Variants in ANKRD30BL observed in about 807,000 individuals in gnomAD.
The protein encoded by ANKRD30BL is putative ankyrin repeat domain-containing protein 30B-like.
A neutral mutation model predicts 18.4 loss-of-function variants in ANKRD30BL; 20 were observed. That is an observed-to-expected ratio of 1.09 (90% CI 0.77 to 1.58). ANKRD30BL has a LOEUF of 1.58. Ranked by LOEUF, ANKRD30BL falls within the 40% of genes most tolerant of loss-of-function variation. The pLI is 0.00. For synonymous variants in ANKRD30BL, 72 were observed against 100.9 expected, an observed-to-expected ratio of 0.71 and a Z score of 1.72; for missense variants, 224 against 268.6, an observed-to-expected ratio of 0.83 and a Z score of 1.16.
chr2:132,162,553 C>T (rs146486185), upstream of ANKRD30BL, among the ~76,000 whole-genome samples: 9,450 of 152,236 alleles, frequency 0.062, 699 homozygotes, highest in East Asian at 0.27. Flanking sequence ...CAACTGAGGT[C>T]CCACTGCCTG....
intron 1 of ANKRD30BL, among the ~76,000 whole-genome samples, chr2:132,208,016 G>T (rs979986958): frequency 2.6e-5 from 4 of 152,070 alleles, no homozygotes; most frequent in Admixed American, 6.6e-5. Context: ...TTGTACAAAA[G>T]GCTTTTACTC....
intron 1 of ANKRD30BL, among the ~76,000 whole-genome samples, chr2:132,243,288 A>C (rs910005713): frequency 2.0e-5 from 3 of 151,810 alleles, no homozygotes; most frequent in Non-Finnish European, 2.9e-5. Flanking sequence ...CAACTCACAG[A>C]GTTAAACCTT....
At chr2:132,188,504 C>G (rs564539696) in intron 1 of ANKRD30BL, among the ~76,000 whole-genome samples, 1 of 152,228 alleles carries the variant, frequency 6.6e-6, no homozygotes, top group South Asian at 2.1e-4. Flanking sequence ...ATCATGAGAT[C>G]AGGAGATCAT....
At chr2:132,150,415 A>AT (rs1687728520) in intron 5 of ANKRD30BL, among the ~76,000 whole-genome samples, 2 of 151,568 alleles carry the variant, frequency 1.3e-5, no homozygotes, top group African/African-American at 4.8e-5. Context: ...ATGTTCTATT[A>AT]TTTGTGGCTT....
At position 132,224,354 on chromosome 2, in the gene ANKRD30BL, T is replaced by C. The variant is rs1212619241; in HGVS notation, n.441+33175A>G. Among the ~76,000 whole-genome samples the C allele has an allele frequency of 3.3e-5, 5 of 152,056 alleles. No homozygotes were observed. The East Asian group carries it at 5.8e-4, about 18-fold the overall frequency. On this transcript the variant is annotated intron_variant and non_coding_transcript_variant, in intron 1 of 4. Transcript: ENST00000470729. ...ATTCTCAGAATCTTCTTTGTGATGT[T>C]CGCATTCCACTCACAGAGTTGAACA...
chr2:132,233,037 TC>T (rs1454596418), intron 1 of ANKRD30BL, among the ~76,000 whole-genome samples: 1 of 151,982 alleles, frequency 6.6e-6, no homozygotes, highest in African/African-American at 2.4e-5. Context: ...TATTCAACAT[TC>T]TTAAAGAAAA....
intron 4 of ANKRD30BL, among the ~76,000 whole-genome samples, chr2:132,151,925 C>A (rs1001600257): frequency 2.6e-5 from 4 of 152,150 alleles, no homozygotes; most frequent in Non-Finnish European, 4.4e-5. Context: ...TCTGAACCAA[C>A]AAATCTTTGT....
At chr2:132,153,576 C>T in intron 4 of ANKRD30BL, 1 of 607,748 alleles carries the variant, frequency 1.6e-6, no homozygotes, top group Non-Finnish European at 3.1e-6. Context: ...CCACAAGCAA[C>T]AGCATAACGT....
chr2:132,246,685 C>T (rs1232155857), intron 1 of ANKRD30BL, among the ~76,000 whole-genome samples: 3 of 151,240 alleles, frequency 2.0e-5, no homozygotes, highest in African/African-American at 7.3e-5. Flanking sequence ...TTTTGTGATG[C>T]TTGCATTCAA....
intron 1 of ANKRD30BL, among the ~76,000 whole-genome samples, chr2:132,234,525 A>C (rs2104786931): frequency 1.3e-5 from 2 of 152,306 alleles, no homozygotes; most frequent in Middle Eastern, 3.4e-3. Context: ...ATCTCACAGA[A>C]ATACAAACTA....
At chr2:132,255,520 A>G (rs1680806191) in intron 1 of ANKRD30BL, among the ~76,000 whole-genome samples, 2 of 151,946 alleles carry the variant, frequency 1.3e-5, no homozygotes, top group African/African-American at 4.8e-5. Flanking sequence ...TTCAACTACG[A>G]GCTTTTTAAC....
intron 1 of ANKRD30BL, among the ~76,000 whole-genome samples, chr2:132,215,883 C>T (rs1332599925): frequency 1.3e-5 from 2 of 152,020 alleles, no homozygotes; most frequent in African/African-American, 2.4e-5. Flanking sequence ...AATAACTAGA[C>T]AGAAGCATTC....
chr2:132,254,804 A>T (rs1680776454), intron 1 of ANKRD30BL, among the ~76,000 whole-genome samples: 1 of 152,218 alleles, frequency 6.6e-6, no homozygotes, highest in South Asian at 2.1e-4. Context: ...TCACATAACT[A>T]GTTGGCATGC....
chr2:132,188,041 C>T (rs1688601086), intron 1 of ANKRD30BL, among the ~76,000 whole-genome samples: 1 of 152,094 alleles, frequency 6.6e-6, no homozygotes, highest in South Asian at 2.1e-4. Context: ...GCCACTGTGC[C>T]CGGCCAGATT....
intron 1 of ANKRD30BL, among the ~76,000 whole-genome samples, chr2:132,180,632 T>C (rs536907158): frequency 3.2e-4 from 49 of 151,842 alleles, no homozygotes; most frequent in Non-Finnish European, 6.6e-4. Flanking sequence ...CACAAATAAA[T>C]AAACTGAACA....
intron 1 of ANKRD30BL, among the ~76,000 whole-genome samples, chr2:132,200,846 A>G (rs1679083061): frequency 1.3e-5 from 2 of 152,200 alleles, no homozygotes; most frequent in African/African-American, 4.8e-5. Flanking sequence ...AGTCAATCCT[A>G]AGCCAAAAGA....
intron 1 of ANKRD30BL, among the ~76,000 whole-genome samples, chr2:132,206,127 C>T (rs894445380): frequency 6.6e-6 from 1 of 151,872 alleles, no homozygotes; most frequent in Non-Finnish European, 1.5e-5. Context: ...CACTGCACTC[C>T]AGCATGGGTG....
chr2:132,227,187 C>T (rs563814901), intron 1 of ANKRD30BL, among the ~76,000 whole-genome samples: 4 of 151,162 alleles, frequency 2.6e-5, no homozygotes, highest in Non-Finnish European at 4.4e-5. Context: ...TTGAGGCCTT[C>T]GTTGGAAACG....
intron 1 of ANKRD30BL, among the ~76,000 whole-genome samples, chr2:132,252,983 G>C (rs546811881): frequency 9.9e-5 from 15 of 152,046 alleles, no homozygotes; most frequent in African/African-American, 3.6e-4. Context: ...CACCCAACGC[G>C]TGACTACACA....
Sources: gnomAD v4.1 joint callset for allele counts (sites outside exome capture counted in the v4.1 genomes callset) on GRCh38, gnomAD v4.1.1 for gene constraint, MANE v1.5 for transcripts, NCBI Gene and HGNC (gene_info 2026-07-23, HGNC 2026-07-21) for gene names.